Variants in FAAP20 observed in about 807,000 individuals in gnomAD.
FAAP20 encodes the protein FA core complex associated protein 20, also known as Fanconi anemia core complex-associated protein 20.
Under a neutral mutation model 16.2 loss-of-function variants are expected in FAAP20, and 12 were observed. That is an observed-to-expected ratio of 0.74 (90% CI 0.48 to 1.20). The LOEUF (loss-of-function observed/expected upper bound fraction) is 1.20. Ranked by LOEUF, FAAP20 falls within the 50% of genes most tolerant of loss-of-function variation. The pLI, the probability that FAAP20 is intolerant of heterozygous loss-of-function variation, is 0.00. For synonymous variants in FAAP20, 141 were observed against 110.7 expected (o/e 1.27, Z -1.72); for missense variants, 288 against 245.8 (o/e 1.17, Z -1.15).
downstream of FAAP20, among the ~76,000 whole-genome samples, chr1:2,188,702 G>A (rs536098412): frequency 1.4e-4 from 21 of 152,270 alleles, no homozygotes; most frequent in South Asian, 3.9e-3. Flanking sequence ...AGTTCATTTT[G>A]GGGAATTAAA....
rs148590466 is a variant in FAAP20, at chr1:2,194,103, C to A, written c.93G>T (p.Leu31=). ...AGAGCCGCTCCCGCTCATCACCCCCCAGGAGAAACCAGGGGCGGCCGCCAG... is the reference window on the plus strand; with the variant it reads ...AGAGCCGCTCCCGCTCATCACCCCCAAGGAGAAACCAGGGGCGGCCGCCAG... The part of the protein sequence containing the change: ...GPSGGRPWFL[L]GGDERERLWA... Residue 31 remains leucine, a synonymous_variant, in exon 2 of 4, where the codon CTG becomes CTT. Transcript: ENST00000378546. 3.9e-5 allele frequency: 63 copies of A among 1,612,294 alleles called. No homozygotes were observed. The African/African-American group carries it at 6.0e-4, about 15-fold the overall frequency.
At chr1:2,194,787 CCCCCGCCCCTCCAGG>C (rs1183379525), upstream of FAAP20, 30 of 1,040,986 alleles carry the variant, frequency 2.9e-5, no homozygotes, top group African/African-American at 5.1e-4. Context: ...GCAAGCCCCG[CCCCCGCCCCTCCAGG>C]CCCCGCCCCC....
intron 3 of FAAP20, chr1:2,193,065 G>C: frequency 3.2e-6 from 4 of 1,240,216 alleles, no homozygotes; most frequent in Non-Finnish European, 3.2e-6. Context: ...CAAAAGTTAC[G>C]AACCAGCATC....
chr1:2,205,700 G>C (rs1278190075), intron 3 of FAAP20, among the ~76,000 whole-genome samples: 1 of 152,230 alleles, frequency 6.6e-6, no homozygotes, highest in Non-Finnish European at 1.5e-5. Flanking sequence ...TCCGGGCCGG[G>C]CGTTCTGCGG....
chr1:2,199,641 C>T (rs1287876965), upstream of FAAP20: 20 of 985,522 alleles, frequency 2.0e-5, no homozygotes, highest in Middle Eastern at 5.2e-4. This position sits in a 1 kb window ranked among gnomAD's most constrained non-coding sequence, Gnocchi z 4.5. Context: ...GGTTGAGCAG[C>T]GTCTCCGAAG....
At chr1:2,192,912 G>A (rs1356108960) in intron 3 of FAAP20, 1 of 1,303,418 alleles carries the variant, frequency 7.7e-7, no homozygotes, top group African/African-American at 1.5e-5. Flanking sequence ...TTCTTTTGTT[G>A]TTGTTGTTGT....
At chr1:2,190,294 C>T (rs1201621441) in intron 3 of FAAP20, 1 of 456,436 alleles carries the variant, frequency 2.2e-6, no homozygotes, top group Non-Finnish European at 4.4e-6. Context: ...CCGTCACCGG[C>T]GTGCAGGCTG....
At chr1:2,192,961 G>C (rs1165491005) in intron 3 of FAAP20, 2 of 1,303,854 alleles carry the variant, frequency 1.5e-6, no homozygotes, top group African/African-American at 3.0e-5. Flanking sequence ...TCGCATTCCC[G>C]AGCTGTTTTT....
intron 3 of FAAP20, among the ~76,000 whole-genome samples, chr1:2,205,391 C>T (rs1423101690): frequency 6.7e-6 from 1 of 149,250 alleles, no homozygotes; most frequent in African/African-American, 2.5e-5. Context: ...CTGGGGCAGC[C>T]GTCCCCGTGA....
downstream of FAAP20, among the ~76,000 whole-genome samples, chr1:2,211,429 ATATATATTTTTTTT>A (rs1689441267): frequency 5.3e-5 from 1 of 18,860 alleles, no homozygotes; most frequent in African/African-American, 4.1e-4. Flanking sequence ...ATATATATAT[ATATATATTTTTTTT>A]TTTTTTTTTT....
chr1:2,201,182 G>T, upstream of FAAP20: 1 of 1,254,514 alleles, frequency 8.0e-7, no homozygotes. Flanking sequence ...GACCTTCACA[G>T]AGGAGCCGTG....
upstream of FAAP20, among the ~76,000 whole-genome samples, chr1:2,203,015 G>A (rs1689106891): frequency 6.6e-6 from 1 of 152,192 alleles, no homozygotes. Flanking sequence ...GCTGGTGACT[G>A]GACAACAGTG....
chr1:2,188,952 C>A (rs1256693428), downstream of FAAP20, among the ~76,000 whole-genome samples: 2 of 150,542 alleles, frequency 1.3e-5, no homozygotes. Context: ...TTGCAGTGAG[C>A]CGAAATCGCG....
chr1:2,194,073 G>C lies in FAAP20; in HGVS notation c.123C>G (p.Ala41=). 6.2e-7 allele frequency: 1 copy of C among 1,612,624 alleles called. No homozygotes were observed. Among genetic ancestry groups the C allele is most frequent in the Non-Finnish European group, 8.5e-7 (1 of 1,179,962 alleles). The change falls in exon 2 of 4, where the codon GCC becomes GCG. Residue 41 remains alanine (A), a synonymous_variant. Coordinates refer to ENST00000378546, the MANE Select transcript of FAAP20 (RefSeq NM_182533.4). ...CCGGGCTCACCGTGCGCAGTAGCTC[G>C]GCCCAGAGCCGCTCCCGCTCATCAC... is the stretch of plus-strand genomic sequence containing the variant. ...LGGDERERLW[A]ELLRTVSPEL...
upstream of FAAP20, among the ~76,000 whole-genome samples, chr1:2,195,479 G>A (rs1688774088): frequency 6.6e-6 from 1 of 152,260 alleles, no homozygotes; most frequent in African/African-American, 2.4e-5. Flanking sequence ...CACCCTCACG[G>A]AAGGAGTGGG....
upstream of FAAP20, chr1:2,200,185 C>T (rs954531870): frequency 2.6e-5 from 4 of 151,302 alleles, no homozygotes; most frequent in African/African-American, 9.7e-5. Context: ...CATGTGAGGT[C>T]AGGAGTTCGA....
At position 2,193,736 on chromosome 1, in the gene FAAP20, C is replaced by A; in HGVS notation, c.373G>T (p.Asp125Tyr). 6.3e-7 allele frequency: 1 copy of A among 1,590,894 alleles called. No homozygotes were observed. Among genetic ancestry groups the A allele is most frequent in the Non-Finnish European group, 8.5e-7 (1 of 1,172,596 alleles). Residue 125 changes from aspartate (D) to tyrosine (Y), a missense_variant, in exon 3 of 4, where the codon GAT becomes TAT. By Grantham distance (160) the Asp-to-Tyr change is radical. Transcript: ENST00000378546. ...TCCACCCTGGGGGCCCTGCAGGGAT[C>A]AGGTGCCGGGCGCTGGGGCAGGGAC... is the stretch of plus-strand genomic sequence containing the variant. ...ARSLPQRPAP[D>Y]PCRAPRVEQQ...
downstream of FAAP20, among the ~76,000 whole-genome samples, chr1:2,187,397 C>T (rs182384237): frequency 2.4e-4 from 37 of 151,868 alleles, no homozygotes; most frequent in Middle Eastern, 6.8e-3. Flanking sequence ...CTCCACCTCC[C>T]GGGTTTAAGC....
chr1:2,204,306 C>T (rs760479747), upstream of FAAP20, among the ~76,000 whole-genome samples: 18 of 152,268 alleles, frequency 1.2e-4, no homozygotes, highest in Non-Finnish European at 2.5e-4. Flanking sequence ...CCTGGCACAT[C>T]CTGAATGGAG....
Sources: gnomAD v4.1 joint callset for allele counts (sites outside exome capture counted in the v4.1 genomes callset) on GRCh38, gnomAD v4.1.1 for gene constraint, Gnocchi (gnomAD v3.1) non-coding constraint, MANE v1.5 for transcripts, NCBI Gene and HGNC (gene_info 2026-07-23, HGNC 2026-07-21) for gene names.